The following DGKH variants were observed in gnomAD, a reference collection of about 807,000 sequenced individuals.
DGKH encodes the protein diacylglycerol kinase eta.
A neutral mutation model predicts 159.3 loss-of-function variants in DGKH; 90 were observed. That is an observed-to-expected ratio of 0.57 (90% CI 0.48 to 0.67). DGKH has a LOEUF of 0.67. Ranked by LOEUF, DGKH falls within the 30% of genes least tolerant of loss-of-function variation. The pLI is 0.00. For missense variants in DGKH, 1,181 were observed against 1,506.1 expected (o/e 0.78, Z 3.57); for synonymous variants, 536 against 553.8 (o/e 0.97, Z 0.45).
intron 26 of DGKH, among the ~76,000 whole-genome samples, chr13:42,217,043 T>G (rs1309792459): frequency 6.6e-6 from 1 of 152,224 alleles, no homozygotes; most frequent in Non-Finnish European, 1.5e-5. Context: ...TTGTTAAATA[T>G]GAATTTTGGT....
intron 29 of DGKH, chr13:42,225,248 G>C: frequency 1.3e-6 from 2 of 1,572,970 alleles, no homozygotes; most frequent in Non-Finnish European, 1.7e-6. Context: ...ATGTGCTTTA[G>C]CAGATAAGGA....
At chr13:42,084,403 T>A (rs955558552) in intron 1 of DGKH, among the ~76,000 whole-genome samples, 4 of 152,180 alleles carry the variant, frequency 2.6e-5, no homozygotes, top group African/African-American at 9.6e-5. Context: ...TTCAGTGTTG[T>A]ATATAAGAGT....
At position 42,071,839 on chromosome 13, in the gene DGKH, C is replaced by T. The variant is rs1392656261; in HGVS notation, c.192+22874C>T. ...GGTGTCTCTGAGGCCCTCACTTTGC[C>T]GCAGTCACCGCCATGTAACACCGAC... On this transcript the variant is annotated intron_variant, in intron 1 of 29. Coordinates refer to ENST00000337343, the MANE Select transcript of DGKH (RefSeq NM_178009.5). 5.3e-5 allele frequency among the ~76,000 whole-genome samples: 8 copies of T among 152,262 alleles called. No homozygotes were observed. The South Asian group carries it at 1.5e-3, about 28-fold the overall frequency.
chr13:42,187,051 C>T lies in DGKH; in HGVS notation c.1541C>T (p.Thr514Met), dbSNP rs761190270. 35 of 1,613,226 alleles carry T rather than the reference C, an allele frequency of 2.2e-5. 1 individual carries two copies. Among genetic ancestry groups the T allele is most frequent in the Middle Eastern group, 3.3e-4 (2 of 6,082 alleles). ...TGTACAACTTCTTTTCCTCAAAGGA[C>T]GCTATGTGAAACTGTAAAGGACTTC... is the stretch of plus-strand genomic sequence containing the variant. ...EHAVVISSAK[T>M]LCETVKDFVA... is the part of the protein sequence containing the mutation. The change falls in exon 14 of 30, where the codon ACG (threonine) becomes ATG (methionine). Residue 514 changes from threonine (T) to methionine (M), a missense_variant and splice_region_variant. By Grantham distance (81) the Thr-to-Met change is moderately conservative (BLOSUM62 -1). This residue lies in a region of DGKH where 369 missense variants were observed against 519.4 expected (regional missense o/e 0.71). Transcript: ENST00000337343.
At chr13:42,190,261 A>T in intron 15 of DGKH, 142 bp from the exon 16 acceptor site, 1 of 933,934 alleles carries the variant, frequency 1.1e-6, no homozygotes, top group Non-Finnish European at 1.5e-6. Flanking sequence ...CATCAACCCC[A>T]AGTTCATTGC....
At chr13:42,109,509 GA>G (rs1228127973) in intron 1 of DGKH, among the ~76,000 whole-genome samples, 1 of 152,194 alleles carries the variant, frequency 6.6e-6, no homozygotes, top group African/African-American at 2.4e-5. Context: ...AGAGGGCTTA[GA>G]TTTTTTTGGC....
rs529724882 is a variant in DGKH at position 42,149,057 on chromosome 13, G to C, written c.385-6234G>C. Among the ~76,000 whole-genome samples the C allele has an allele frequency of 1.1e-4, 17 of 148,094 alleles. No individual in the cohort carries two copies. In the South Asian group the frequency reaches 3.2e-3, roughly 28 times the overall value. ...TCTCCTGGGCTCAGGTGATCCTCCT[G>C]CTCCGGCTTTCCCAGGCATATGCCA... On this transcript the variant is annotated intron_variant, in intron 3 of 29. Coordinates refer to ENST00000337343, the MANE Select transcript of DGKH (RefSeq NM_178009.5).
intron 1 of DGKH, chr13:42,069,870 C>T: frequency 5.2e-6 from 4 of 763,786 alleles, no homozygotes; most frequent in Non-Finnish European, 8.9e-6. Flanking sequence ...CCCCCAGATA[C>T]CTTTCCCGAT....
At chr13:42,053,217 A>G (rs1007463473) in intron 1 of DGKH, among the ~76,000 whole-genome samples, 2 of 152,016 alleles carry the variant, frequency 1.3e-5, no homozygotes, top group Non-Finnish European at 2.9e-5. Flanking sequence ...CCAGTATTCT[A>G]TCTGGATTAA....
rs760395355 is a variant in DGKH at position 42,209,363 on chromosome 13, C to T, written c.2748C>T (p.Asp916=). 35 of 1,613,184 alleles carry T rather than the reference C, an allele frequency of 2.2e-5. No homozygotes were observed. Among genetic ancestry groups the T allele is most frequent in the South Asian group, 3.3e-5 (3 of 90,956 alleles). Residue 916 remains aspartate, a synonymous_variant, in exon 23 of 30, where the codon GAC becomes GAT. Coordinates refer to ENST00000337343, the MANE Select transcript of DGKH (RefSeq NM_178009.5). Reference sequence around the variant, plus strand: ...CAGTGAAAATCACTATATTTGGTGACGAAGGAGTCCCAGTGCAAGTGGATG... The same window carrying T: ...CAGTGAAAATCACTATATTTGGTGATGAAGGAGTCCCAGTGCAAGTGGATG... ...CRTVKITIFG[D]EGVPVQVDGE... is the part of the protein sequence containing the mutation.
At chr13:42,251,605 CCA>C (rs1958620852) in intron 29 of DGKH, among the ~76,000 whole-genome samples, 1 of 152,068 alleles carries the variant, frequency 6.6e-6, no homozygotes, top group Non-Finnish European at 1.5e-5. Context: ...TTTTCATCCT[CCA>C]CACACTACAT....
At chr13:42,222,491 A>G (rs1035277384) in intron 29 of DGKH, among the ~76,000 whole-genome samples, 17 of 152,192 alleles carry the variant, frequency 1.1e-4, no homozygotes, top group Admixed American at 6.5e-5. Flanking sequence ...TAATTAATTA[A>G]TTACCTTAGT....
At chr13:42,113,557 G>A (rs1423107050) in intron 1 of DGKH, among the ~76,000 whole-genome samples, 1 of 152,162 alleles carries the variant, frequency 6.6e-6, no homozygotes, top group African/African-American at 2.4e-5. Flanking sequence ...TTCACAAGGG[G>A]AAAGGAGGAT....
intron 1 of DGKH, among the ~76,000 whole-genome samples, chr13:42,107,718 A>G (rs1201406479): frequency 6.6e-6 from 1 of 152,028 alleles, no homozygotes; most frequent in Non-Finnish European, 1.5e-5. Flanking sequence ...GAGTACAGGA[A>G]CAAGAACTGC....
chr13:42,040,908 C>T (rs1320445929), intron 1 of DGKH, among the ~76,000 whole-genome samples: 7 of 149,784 alleles, frequency 4.7e-5, no homozygotes, highest in Non-Finnish European at 4.5e-5. Context: ...GTGCGCCCCG[C>T]GCCCGGCGCC....
chr13:42,121,340 T>C (rs1332883258), intron 1 of DGKH, among the ~76,000 whole-genome samples: 1 of 152,242 alleles, frequency 6.6e-6, no homozygotes. Flanking sequence ...GTAAGTGTTC[T>C]GAGCACGTTT....
intron 1 of DGKH, chr13:42,069,124 C>G: frequency 7.2e-7 from 1 of 1,390,902 alleles, no homozygotes; most frequent in Non-Finnish European, 1.0e-6. Context: ...GAAATCCTTC[C>G]TCATTTCTCT....
At chr13:42,093,022 T>C (rs764244298) in intron 1 of DGKH, among the ~76,000 whole-genome samples, 1 of 152,034 alleles carries the variant, frequency 6.6e-6, no homozygotes, top group Non-Finnish European at 1.5e-5. Context: ...GGTGGGCAGA[T>C]TGCTTGAGTC....
At position 42,178,011 on chromosome 13, in the gene DGKH, A is replaced by G. The variant is rs1346744813; in HGVS notation, c.1453-124A>G. ...ATTTTGCATGATGACTCTTTCATATATTTCATTATAGTGATTGCCTTGCCT... is the reference window on the plus strand; with the variant it reads ...ATTTTGCATGATGACTCTTTCATATGTTTCATTATAGTGATTGCCTTGCCT... On this transcript the variant is annotated intron_variant, in intron 12 of 29. Transcript: ENST00000337343. The G allele has an allele frequency of 2.8e-5, 14 of 499,532 alleles. No homozygotes were observed. In the South Asian group the frequency reaches 9.2e-4, roughly 33 times the overall value. 30.9% of individuals were successfully genotyped at this position (499,532 alleles called of 1,614,324 possible).
Sources: gnomAD v4.1 joint callset for allele counts (sites outside exome capture counted in the v4.1 genomes callset) on GRCh38, gnomAD v4.1.1 for gene constraint, gnomAD v4.1.1 regional missense constraint, MANE v1.5 for transcripts, NCBI Gene and HGNC (gene_info 2026-07-23, HGNC 2026-07-21) for gene names.